The following ATR variants were observed in gnomAD, a reference collection of about 807,000 sequenced individuals.
ATR encodes the protein ATR checkpoint kinase, also known as serine/threonine-protein kinase ATR.
ATR carries 142 observed loss-of-function variants against 305.3 expected under a neutral mutation model. The ratio of observed to expected loss-of-function variants is 0.47; its 90% CI spans 0.41 to 0.53. The LOEUF is 0.53. Among genes scored for constraint, ATR ranks in the 20% least tolerant of loss-of-function variants. The probability of loss-of-function intolerance (pLI) is 0.00; values close to 1 mark genes in which losing one functional copy is unlikely to be tolerated. For synonymous variants in ATR, 1,050 were observed against 1,068.1 expected (o/e 0.98, Z 0.33); for missense variants, 2,135 against 3,133.1 (o/e 0.68, Z 7.60).
intron 1 of ATR, among the ~76,000 whole-genome samples, chr3:142,575,506 T>C (rs955090714): frequency 2.7e-5 from 4 of 150,526 alleles, no homozygotes; most frequent in South Asian, 2.1e-4. Flanking sequence ...TTCCCACTTA[T>C]GGGCCTTTGT....
intron 36 of ATR, among the ~76,000 whole-genome samples, chr3:142,480,282 T>C (rs914076485): frequency 1.3e-5 from 2 of 152,252 alleles, no homozygotes; most frequent in Non-Finnish European, 2.9e-5. Context: ...ATGCCCTTTC[T>C]GTTTGTTAGT....
At chr3:142,454,437 C>CT (rs760823609) in intron 45 of ATR, among the ~76,000 whole-genome samples, 3,663 of 101,390 alleles carry the variant, frequency 0.036, 192 homozygotes, top group East Asian at 0.097. Flanking sequence ...TGATAGACAG[C>CT]TTTTTTTTTT....
intron 34 of ATR, among the ~76,000 whole-genome samples, chr3:142,494,256 T>A (rs1394524368): frequency 6.6e-6 from 1 of 152,162 alleles, no homozygotes; most frequent in East Asian, 1.9e-4. Flanking sequence ...ATCCACAGAT[T>A]TTGTTATCCA....
intron 46 of ATR, chr3:142,450,613 G>T: frequency 6.2e-7 from 1 of 1,607,776 alleles, no homozygotes; most frequent in Non-Finnish European, 8.5e-7. Flanking sequence ...CTTAGGAAAA[G>T]GTGGATATGG....
chr3:142,538,348 G>A (rs1315672738), intron 19 of ATR, 134 bp downstream of exon 19: 11 of 906,354 alleles, frequency 1.2e-5, no homozygotes, highest in Middle Eastern at 3.5e-4. Context: ...GTAATTACAT[G>A]CCAATTACTT....
chr3:142,572,372 C>T (rs796953143), intron 1 of ATR, among the ~76,000 whole-genome samples: 296 of 56,762 alleles, frequency 5.2e-3, no homozygotes, highest in South Asian at 0.013. Flanking sequence ...CCCGGCCTGA[C>T]TTTTTTTTTT....
chr3:142,463,890 A>G (rs1410011846), intron 41 of ATR, among the ~76,000 whole-genome samples: 2 of 152,160 alleles, frequency 1.3e-5, no homozygotes, highest in Admixed American at 6.5e-5. Context: ...AGAAGAAGGG[A>G]AAAAAAGCTT....
At chr3:142,496,824 G>A (rs1282849059) in intron 33 of ATR, among the ~76,000 whole-genome samples, 189 bp downstream of exon 33, 1 of 151,986 alleles carries the variant, frequency 6.6e-6, no homozygotes, top group Non-Finnish European at 1.5e-5. Context: ...TTAAAAAAGA[G>A]AAAGAAATGG....
At chr3:142,577,637 A>C (rs191674083) in intron 1 of ATR, among the ~76,000 whole-genome samples, 33 of 152,374 alleles carry the variant, frequency 2.2e-4, no homozygotes, top group Admixed American at 1.2e-3. Context: ...CTGCGCTGCA[A>C]AAAGAAAGAG....
chr3:142,476,516 G>A (rs2071455683), intron 36 of ATR, among the ~76,000 whole-genome samples: 1 of 152,290 alleles, frequency 6.6e-6, no homozygotes, highest in East Asian at 1.9e-4. Context: ...ATAGCTTGAA[G>A]TCAGGTAGCG....
chr3:142,497,915 A>G (rs1213615997), intron 32 of ATR, among the ~76,000 whole-genome samples: 1 of 152,166 alleles, frequency 6.6e-6, no homozygotes, highest in Non-Finnish European at 1.5e-5. Context: ...CCCTTGTATG[A>G]TAGTCAGTGT....
intron 36 of ATR, 104 bp from the exon 37 acceptor site, chr3:142,470,287 A>C: frequency 1.0e-6 from 1 of 969,620 alleles, no homozygotes. Flanking sequence ...TTTCACAAAA[A>C]TTATGGTATC....
chr3:142,450,793 C>G (rs181706279), intron 46 of ATR: 209 of 1,428,700 alleles, frequency 1.5e-4, no homozygotes, highest in Non-Finnish European at 1.3e-4. Flanking sequence ...GTGGACAGAA[C>G]ATGTTCAAGT....
In ATR at chr3:142,473,443, A is replaced by G. The variant is rs369473182; in HGVS notation, c.6222-3260T>C. Among the ~76,000 whole-genome samples the G allele has an allele frequency of 2.0e-4, 31 of 152,168 alleles. No homozygotes were observed. In the South Asian group the frequency reaches 6.2e-3, roughly 31 times the overall value. ...GATTCATTTCTAGGGTCTCTGTTCC[A>G]CTGGTCTATGTAGCCATTTTAATAC... On this transcript the variant is annotated intron_variant, in intron 36 of 46. Coordinates refer to ENST00000350721, the MANE Select transcript of ATR (RefSeq NM_001184.4).
intron 36 of ATR, among the ~76,000 whole-genome samples, chr3:142,475,919 T>A (rs560239044): frequency 6.6e-6 from 1 of 152,342 alleles, no homozygotes; most frequent in South Asian, 2.1e-4. Flanking sequence ...GTCTGTTATA[T>A]CCTTCGCCCA....
At chr3:142,477,762 A>G (rs1183550611) in intron 36 of ATR, among the ~76,000 whole-genome samples, 1 of 152,110 alleles carries the variant, frequency 6.6e-6, no homozygotes, top group Non-Finnish European at 1.5e-5. Context: ...TATTGCCTCA[A>G]TTTCAGAGCC....
intron 35 of ATR, among the ~76,000 whole-genome samples, chr3:142,489,033 T>C (rs1035862963): frequency 2.0e-5 from 3 of 152,146 alleles, no homozygotes; most frequent in African/African-American, 7.2e-5. Flanking sequence ...TCCTAAATGA[T>C]ATCTTTAAAA....
intron 29 of ATR, among the ~76,000 whole-genome samples, chr3:142,504,911 G>A (rs772956397): frequency 6.6e-6 from 1 of 152,074 alleles, no homozygotes; most frequent in Non-Finnish European, 1.5e-5. Flanking sequence ...ATGTGGTGTG[G>A]TGGCACACGC....
At chr3:142,473,208 C>A (rs2071337001) in intron 36 of ATR, among the ~76,000 whole-genome samples, 1 of 152,116 alleles carries the variant, frequency 6.6e-6, no homozygotes, top group African/African-American at 2.4e-5. Flanking sequence ...TCTATGTTTT[C>A]TTCTAGTAGT....
Sources: gnomAD v4.1 joint callset for allele counts (sites outside exome capture counted in the v4.1 genomes callset) on GRCh38, gnomAD v4.1.1 for gene constraint, MANE v1.5 for transcripts, NCBI Gene and HGNC (gene_info 2026-07-23, HGNC 2026-07-21) for gene names.